The following NUP210L variants were observed in gnomAD, a reference collection of about 807,000 sequenced individuals.
NUP210L encodes the protein nuclear pore membrane glycoprotein 210-like.
Under a neutral mutation model 208.5 loss-of-function variants are expected in NUP210L, and 74 were observed. The ratio of observed to expected loss-of-function variants is 0.35; its 90% CI spans 0.29 to 0.43. The LOEUF (loss-of-function observed/expected upper bound fraction) is 0.43, where lower values mean the gene tolerates loss of function less well. Ranked by LOEUF, NUP210L falls within the 20% of genes least tolerant of loss-of-function variation. The pLI is 1.00. For synonymous variants in NUP210L, 780 were observed against 816.9 expected (o/e 0.95, Z 0.77); for missense variants, 1,843 against 2,289.4 (o/e 0.81, Z 3.98).
At chr1:154,104,094 T>C (rs1203886644) in exon 13 of NUP210L, 1 of 1,614,108 alleles carries the variant, frequency 6.2e-7, no homozygotes, top group Non-Finnish European at 8.5e-7. Context: ...ATGCCATGGC[T>C]TCTTTGGTCT....
intron 16 of NUP210L, among the ~76,000 whole-genome samples, chr1:154,074,034 T>C (rs7537048): frequency 6.6e-6 from 1 of 150,842 alleles, no homozygotes; most frequent in Non-Finnish European, 1.5e-5. Context: ...TTTTTTGTCG[T>C]TGTTTTTTGT....
chr1:154,063,366 A>G (rs1193794948), intron 17 of NUP210L, among the ~76,000 whole-genome samples: 1 of 152,224 alleles, frequency 6.6e-6, no homozygotes, highest in Non-Finnish European at 1.5e-5. Flanking sequence ...AAGAATGACA[A>G]GCTTTGTCAT....
rs567554172 is a variant in NUP210L, at chr1:154,044,169, G to A, written c.3696+1900C>T. 8.6e-5 allele frequency among the ~76,000 whole-genome samples: 13 copies of A among 151,866 alleles called. No individual in the cohort carries two copies. The South Asian group carries it at 2.5e-3, about 29-fold the overall frequency. On this transcript the variant is annotated intron_variant, in intron 27 of 39. Coordinates refer to ENST00000368559, the Ensembl canonical transcript of NUP210L. ...GCCTGTAATCTCAGCACTTTGGGAG[G>A]CCGAGGTGGGTGGATCACTTGAGGT...
intron 25 of NUP210L, among the ~76,000 whole-genome samples, chr1:154,050,297 T>A (rs1653415128): frequency 6.6e-6 from 1 of 152,178 alleles, no homozygotes; most frequent in Non-Finnish European, 1.5e-5. Flanking sequence ...TTGCCATGAG[T>A]AATCTATTTT....
intron 15 of NUP210L, among the ~76,000 whole-genome samples, chr1:154,090,688 G>A (rs1265067347): frequency 2.0e-5 from 3 of 152,112 alleles, no homozygotes; most frequent in Non-Finnish European, 4.4e-5. Context: ...CCACACGCCT[G>A]TAGTCCCAGC....
chr1:154,135,166 G>A (rs1658470756), intron 7 of NUP210L, among the ~76,000 whole-genome samples: 1 of 152,082 alleles, frequency 6.6e-6, no homozygotes, highest in African/African-American at 2.4e-5. Context: ...CAATTATCAT[G>A]TACAAATAGA....
chr1:154,012,446 C>T (rs1410823961), intron 33 of NUP210L, 76 bp from the exon 34 acceptor site: 2 of 1,386,246 alleles, frequency 1.4e-6, no homozygotes. Context: ...CCCCTCATAA[C>T]TTATTTAACC....
At chr1:154,069,069 G>A (rs1472151732) in intron 17 of NUP210L, among the ~76,000 whole-genome samples, 1 of 152,110 alleles carries the variant, frequency 6.6e-6, no homozygotes, top group Non-Finnish European at 1.5e-5. Context: ...AGACTTAAAT[G>A]TTAGACCTAA....
At chr1:153,992,983 C>A (rs1008649964) in intron 39 of NUP210L, 32 bp downstream of exon 39, 1 of 1,609,640 alleles carries the variant, frequency 6.2e-7, no homozygotes, top group African/African-American at 1.3e-5. Flanking sequence ...TGTATCTGAG[C>A]TTTTCAAAGA....
chr1:154,146,257 G>A (rs1038996646), intron 2 of NUP210L, among the ~76,000 whole-genome samples: 1 of 152,072 alleles, frequency 6.6e-6, no homozygotes, highest in Non-Finnish European at 1.5e-5. Context: ...TTATAACATT[G>A]AAATATAGCC....
intron 13 of NUP210L, among the ~76,000 whole-genome samples, chr1:154,102,967 T>G (rs192524621): frequency 1.5e-4 from 23 of 152,234 alleles, no homozygotes; most frequent in African/African-American, 5.5e-4. Context: ...TCCCAGCTAC[T>G]TGGGAGGCTG....
chr1:154,138,961 A>G (rs895989758), intron 5 of NUP210L, among the ~76,000 whole-genome samples: 1 of 152,190 alleles, frequency 6.6e-6, no homozygotes, highest in Non-Finnish European at 1.5e-5. Context: ...TCCTGCATCT[A>G]AATTTTTACT....
chr1:154,024,404 A>T (rs1016415557), intron 30 of NUP210L, among the ~76,000 whole-genome samples: 1 of 152,168 alleles, frequency 6.6e-6, no homozygotes, highest in Non-Finnish European at 1.5e-5. Context: ...GTTAAAAGAG[A>T]TAATATACAT....
intron 30 of NUP210L, 56 bp from the exon 31 acceptor site, chr1:154,023,353 A>G (rs1053642118): frequency 1.5e-6 from 2 of 1,343,044 alleles, no homozygotes; most frequent in Non-Finnish European, 2.1e-6. Flanking sequence ...AAGTGCTGCA[A>G]CCATATTCTG....
Position 154,129,334 on chromosome 1 carries a change from G to A in NUP210L, c.1021C>T (p.Arg341Ter), listed in dbSNP as rs1179865434. 6.8e-6 allele frequency: 11 copies of A among 1,607,728 alleles called. No homozygotes were observed. The highest frequency in any genetic ancestry group is 9.4e-6 in the Non-Finnish European group (11 of 1,176,264). The stretch of plus-strand genomic sequence containing the variant: ...CAATTTGGGAGTCCAGACACAGATC[G>A]CATATGAACATCTTAATTTTTGCTT... The change falls in exon 8 of 40, where the codon CGA (arginine) becomes TGA (stop). Residue 341 changes from arginine (R) to a stop codon, truncating the protein, a stop_gained. Coordinates refer to ENST00000368559, the Ensembl canonical transcript of NUP210L. LOFTEE classifies it high-confidence loss of function.
At chr1:154,048,179 T>C (rs1181055564) in intron 25 of NUP210L, among the ~76,000 whole-genome samples, 1 of 152,078 alleles carries the variant, frequency 6.6e-6, no homozygotes. Context: ...ACCCCCTCCT[T>C]ATTTTGAAGA....
Position 154,006,637 on chromosome 1 carries a change from G to A in NUP210L, c.4930+3335C>T, listed in dbSNP as rs1358643879. Reference sequence around the variant, plus strand: ...GCCTCCCGAGTAGCTGGGACTACAGGCATGTGCCACCATGCCCGGCTAATT... The same window carrying A: ...GCCTCCCGAGTAGCTGGGACTACAGACATGTGCCACCATGCCCGGCTAATT... On this transcript the variant is annotated intron_variant, in intron 35 of 39. Coordinates refer to ENST00000368559, the Ensembl canonical transcript of NUP210L. 7.9e-5 allele frequency among the ~76,000 whole-genome samples: 12 copies of A among 151,486 alleles called. No homozygotes were observed. The East Asian group carries it at 2.3e-3, about 30-fold the overall frequency.
At chr1:154,079,389 T>C (rs1279289097) in intron 16 of NUP210L, 1 of 152,134 alleles carries the variant, frequency 6.6e-6, no homozygotes, top group East Asian at 1.9e-4. Flanking sequence ...TCCAACTAGC[T>C]GGGACTACAG....
intron 38 of NUP210L, among the ~76,000 whole-genome samples, chr1:153,993,481 G>T (rs1424393405): frequency 2.0e-5 from 3 of 151,972 alleles, no homozygotes; most frequent in Admixed American, 6.6e-5. Flanking sequence ...CAGGAGAATG[G>T]TGTGAACCTG....
Sources: gnomAD v4.1 joint callset for allele counts (sites outside exome capture counted in the v4.1 genomes callset) on GRCh38, gnomAD v4.1.1 for gene constraint, MANE v1.5 for transcripts, NCBI Gene and HGNC (gene_info 2026-07-23, HGNC 2026-07-21) for gene names.